Variants in APOBEC4 observed in about 807,000 individuals in gnomAD.
APOBEC4 encodes the protein putative deaminase APOBEC-4.
For missense variants in APOBEC4, 375 were observed against 441.2 expected (o/e 0.85, Z 1.34); for synonymous variants, 141 against 154.2 (o/e 0.91, Z 0.63).
chr1:183,649,207 A>G (rs116198491), intron 1 of APOBEC4, among the ~76,000 whole-genome samples: 5 of 152,332 alleles, frequency 3.3e-5, no homozygotes, highest in African/African-American at 9.6e-5. Context: ...TACTTACCTG[A>G]TAAGATTGTC....
chr1:183,652,982 C>T (rs957997412), intron 1 of APOBEC4, 90 bp downstream of exon 1: 1 of 152,240 alleles, frequency 6.6e-6, no homozygotes, highest in Non-Finnish European at 1.5e-5. Context: ...GCACAGTTTG[C>T]ACTGGAGTAA....
At position 183,646,640 on chromosome 1, in the gene APOBEC4, C is replaced by T. The variant is rs552271539; in HGVS notation, c.*1038G>A. ...AGAAGGTACAAATATTCACTGGTGA[C>T]GAGGATGGAGTCAGAAAGAGGGAAG... On this transcript the variant is annotated 3_prime_UTR_variant, in exon 2 of 2. Coordinates refer to ENST00000308641, the MANE Select transcript of APOBEC4 (RefSeq NM_203454.3). The T allele has an allele frequency of 2.0e-5, 3 of 152,158 alleles. No individual in the cohort carries two copies. The highest frequency in any genetic ancestry group is 2.1e-4 in the South Asian group (1 of 4,804). 9.4% of individuals were successfully genotyped at this position (152,158 alleles called of 1,614,324 possible).
chr1:183,652,134 A>C (rs949113868), intron 1 of APOBEC4, among the ~76,000 whole-genome samples: 2 of 152,214 alleles, frequency 1.3e-5, no homozygotes, highest in African/African-American at 4.8e-5. Flanking sequence ...GGTGATGTGT[A>C]TGTGGAGTTA....
rs1650285789 is a variant in APOBEC4 at position 183,646,287 on chromosome 1, T to G, written c.*1391A>C. The G allele has an allele frequency of 6.6e-6, 1 of 152,196 alleles. No individual in the cohort carries two copies. The highest frequency in any genetic ancestry group is 2.4e-5 in the African/African-American group (1 of 41,460). The allele number at this position is 152,196 out of a possible 1,614,324, so 9.4% of individuals were successfully genotyped here. ...CTAACAATAAAACTTTGTTTTAAAA[T>G]TTTTATTCATGTTTATTTTAACCAC... On this transcript the variant is annotated 3_prime_UTR_variant, in exon 2 of 2. Coordinates refer to ENST00000308641, the MANE Select transcript of APOBEC4 (RefSeq NM_203454.3).
Position 183,647,766 on chromosome 1 carries a change from C to T in APOBEC4, c.1016G>A (p.Gly339Glu). Residue 339 changes from glycine to glutamate, a missense_variant, in exon 2 of 2, where the codon GGA becomes GAA. Gly to Glu is a moderately conservative substitution (Grantham distance 98, BLOSUM62 -2). Coordinates refer to ENST00000308641, the MANE Select transcript of APOBEC4 (RefSeq NM_203454.3). ...ETKDLGRLPTGRSVEIVEITE... is the reference protein window; with the variant it reads ...ETKDLGRLPTERSVEIVEITE... ...GATTTCCACTATCTCCACTGACCTT[C>T]CAGTGGGAAGCCTTCCAAGGTCCTT... 1.2e-6 allele frequency: 2 copies of T among 1,614,182 alleles called. No individual in the cohort carries two copies. The highest frequency in any genetic ancestry group is 1.3e-5 in the African/African-American group (1 of 75,046).
Position 183,648,514 on chromosome 1 carries a change from T to C in APOBEC4, c.268A>G (p.Asn90Asp), listed in dbSNP as rs755754789. Residue 90 changes from asparagine (N) to aspartate (D), a missense_variant, in exon 2 of 2, where the codon AAT becomes GAT. Physicochemically the swap from Asn to Asp is conservative, Grantham distance 23 (BLOSUM62 1). Coordinates refer to ENST00000308641, the MANE Select transcript of APOBEC4 (RefSeq NM_203454.3). The part of the protein sequence containing the change: ...QKGHASSCTG[N>D]YIHPESMLFE... ...AGCATTGATTCTGGATGGATATAATTCCCAGTGCAACTGCTAGCATGGCCC... is the reference window on the plus strand; with the variant it reads ...AGCATTGATTCTGGATGGATATAATCCCCAGTGCAACTGCTAGCATGGCCC... 23 of 1,614,090 alleles carry C rather than the reference T, an allele frequency of 1.4e-5. No individual in the cohort carries two copies. The highest frequency in any genetic ancestry group is 1.9e-5 in the Non-Finnish European group (23 of 1,180,052).
At chr1:183,650,116 C>T (rs557723122) in intron 1 of APOBEC4, among the ~76,000 whole-genome samples, 11 of 152,264 alleles carry the variant, frequency 7.2e-5, no homozygotes, top group East Asian at 1.9e-4. Flanking sequence ...TCCAGCCTTC[C>T]GTCACTATTA....
At position 183,648,152 on chromosome 1, in the gene APOBEC4, AAC is replaced by A; in HGVS notation, c.628_629del (p.Val210PhefsTer12). 2 of 1,614,208 alleles carry A rather than the reference AAC, an allele frequency of 1.2e-6. No individual in the cohort carries two copies. The highest frequency in any genetic ancestry group is 1.7e-6 in the Non-Finnish European group (2 of 1,180,042). On this transcript the variant is annotated frameshift_variant, in exon 2 of 2. Transcript: ENST00000308641. LOFTEE classifies it low-confidence loss of function (END_TRUNC). ...SFISGVSGSH[V>X]FQPILTGRAL... is the part of the protein sequence containing the mutation. ...CTCTCCCAGTTAAAATGGGCTGAAA[AAC>A]ATGTGATCCTGAGACACCACTTATA...
intron 1 of APOBEC4, among the ~76,000 whole-genome samples, chr1:183,651,319 A>G (rs1459580063): frequency 6.6e-6 from 1 of 152,188 alleles, no homozygotes; most frequent in Non-Finnish European, 1.5e-5. Flanking sequence ...AACAGAATAT[A>G]TTTTTCACTT....
Position 183,646,601 on chromosome 1 carries a change from T to C in APOBEC4, c.*1077A>G, listed in dbSNP as rs985331279. On this transcript the variant is annotated 3_prime_UTR_variant, in exon 2 of 2. Transcript: ENST00000308641. Reference sequence around the variant, plus strand: ...AAGGAGCACTTCCTAGAAGTGTGTTTTGAAGATTTTAAGAGAAGGTACAAA... The same window carrying C: ...AAGGAGCACTTCCTAGAAGTGTGTTCTGAAGATTTTAAGAGAAGGTACAAA... 6.6e-6 allele frequency: 1 copy of C among 152,232 alleles called. No individual in the cohort carries two copies. Among genetic ancestry groups the C allele is most frequent in the Admixed American group, 6.5e-5 (1 of 15,284 alleles). The allele number at this position is 152,232 out of a possible 1,614,324, so 9.4% of individuals were successfully genotyped here.
Position 183,648,244 on chromosome 1 carries a change from A to G in APOBEC4, c.538T>C (p.Leu180=), listed in dbSNP as rs746699143. 2 of 1,614,104 alleles carry G rather than the reference A, an allele frequency of 1.2e-6. No individual in the cohort carries two copies. Among genetic ancestry groups the G allele is most frequent in the East Asian group, 4.5e-5 (2 of 44,900 alleles). Residue 180 remains leucine, a synonymous_variant, in exon 2 of 2, where the codon TTA becomes CTA. Coordinates refer to ENST00000308641, the MANE Select transcript of APOBEC4 (RefSeq NM_203454.3). ...NREALRSLAS[L]WPRVVLSPIS... ...GGACTCAAAACAACCCGCGGCCATA[A>G]GCTGGCCAGGCTCCGGAGAGCTTCG...
chr1:183,652,551 A>G (rs140370913), intron 1 of APOBEC4, among the ~76,000 whole-genome samples: 1 of 152,270 alleles, frequency 6.6e-6, no homozygotes, highest in East Asian at 1.9e-4. Flanking sequence ...TCAATTTGTT[A>G]TCGACCACAG....
chr1:183,652,171 C>A (rs1378593548), intron 1 of APOBEC4, among the ~76,000 whole-genome samples: 2 of 152,076 alleles, frequency 1.3e-5, no homozygotes, highest in Admixed American at 1.3e-4. Context: ...CCATAATTAC[C>A]CTTTTGGGAA....
intron 1 of APOBEC4, among the ~76,000 whole-genome samples, chr1:183,651,885 A>G (rs1034376564): frequency 6.6e-6 from 1 of 152,170 alleles, no homozygotes; most frequent in Non-Finnish European, 1.5e-5. Context: ...CTCCTTGCTT[A>G]GCCTTCATCA....
rs1650887392 is a variant in APOBEC4 at position 183,653,106 on chromosome 1, G to C, written c.-65C>G. 6.6e-6 allele frequency: 1 copy of C among 152,228 alleles called. No homozygotes were observed. Among genetic ancestry groups the C allele is most frequent in the African/African-American group, 2.4e-5 (1 of 41,444 alleles). The allele number at this position is 152,228 out of a possible 1,614,324, so 9.4% of individuals were successfully genotyped here. On this transcript the variant is annotated 5_prime_UTR_variant, in exon 1 of 2. Transcript: ENST00000308641. ...GTCTCCAGGCTTGGATCACATTCCAGGTGTTAGAAGAGATGGTCCATTTCC... is the reference window on the plus strand; with the variant it reads ...GTCTCCAGGCTTGGATCACATTCCACGTGTTAGAAGAGATGGTCCATTTCC...
intron 1 of APOBEC4, among the ~76,000 whole-genome samples, 158 bp downstream of exon 1, chr1:183,652,914 A>G (rs1036545865): frequency 6.6e-6 from 1 of 152,166 alleles, no homozygotes; most frequent in Non-Finnish European, 1.5e-5. Context: ...AATGAACCAC[A>G]CCATAAGGAC....
In APOBEC4 at chr1:183,648,576, TA is replaced by T. The variant is rs1231150157; in HGVS notation, c.205del (p.Tyr69MetfsTer3). On this transcript the variant is annotated frameshift_variant, in exon 2 of 2. Transcript: ENST00000308641. LOFTEE classifies it low-confidence loss of function (END_TRUNC). ...TFPQTKHLTF[Y>X]ELKTSSGSLV... Reference sequence around the variant, plus strand: ...GCTACCAGAAGAAGTTTTTAGTTCATAAAATGTGAGGTGTTTTGTTTGAGGA... The same window carrying T: ...GCTACCAGAAGAAGTTTTTAGTTCATAAATGTGAGGTGTTTTGTTTGAGGA... 3.1e-6 allele frequency: 5 copies of T among 1,614,190 alleles called. No individual in the cohort carries two copies. The highest frequency in any genetic ancestry group is 1.6e-4 in the Middle Eastern group (1 of 6,062).
At chr1:183,652,824 G>A (rs1650863462) in intron 1 of APOBEC4, among the ~76,000 whole-genome samples, 1 of 152,070 alleles carries the variant, frequency 6.6e-6, no homozygotes, top group Non-Finnish European at 1.5e-5. Flanking sequence ...AGCCCAGCGT[G>A]CTGGAGGGCT....
At chr1:183,653,019 A>G (rs1558135004) in intron 1 of APOBEC4, 53 bp downstream of exon 1, 1 of 152,378 alleles carries the variant, frequency 6.6e-6, no homozygotes, top group East Asian at 1.9e-4. Flanking sequence ...GCCCTTCACA[A>G]TCTGTGCACA....
Sources: gnomAD v4.1 joint callset for allele counts (sites outside exome capture counted in the v4.1 genomes callset) on GRCh38, gnomAD v4.1.1 for gene constraint, MANE v1.5 for transcripts, NCBI Gene and HGNC (gene_info 2026-07-23, HGNC 2026-07-21) for gene names.